DENND1A: variants seen among roughly 807,000 people sequenced by gnomAD.
The protein encoded by DENND1A is DENN domain-containing protein 1A.
Under a neutral mutation model 113.7 loss-of-function variants are expected in DENND1A, and 51 were observed. The observed-to-expected ratio is 0.45, with a 90% CI of 0.36 to 0.57. DENND1A has a LOEUF of 0.57. Ranked by LOEUF, DENND1A falls within the 20% of genes least tolerant of loss-of-function variation. The pLI is 0.00. For missense variants in DENND1A, 1,258 were observed against 1,395.9 expected (o/e 0.90, Z 1.57); for synonymous variants, 565 against 570.8 (o/e 0.99, Z 0.14).
intron 2 of DENND1A, among the ~76,000 whole-genome samples, chr9:123,877,437 CGAG>C (rs769268136): frequency 5.6e-4 from 85 of 151,726 alleles, no homozygotes; most frequent in Non-Finnish European, 1.1e-3. Context: ...TGCAGTGAGC[CGAG>C]ATCATGCCAT....
intron 4 of DENND1A, among the ~76,000 whole-genome samples, chr9:123,759,974 GAAGAA>G (rs1342580771): frequency 2.0e-5 from 3 of 152,140 alleles, no homozygotes; most frequent in African/African-American, 4.8e-5. Flanking sequence ...CTCAGAAAAA[GAAGAA>G]AAGAGTTTTT....
In DENND1A at chr9:123,721,320, C is replaced by T. The variant is rs73667909; in HGVS notation, c.302+36383G>A. Among the ~76,000 whole-genome samples, 3 of 152,330 alleles carry T rather than the reference C, an allele frequency of 2.0e-5. No homozygotes were observed. In the South Asian group the frequency reaches 6.2e-4, roughly 32 times the overall value. On this transcript the variant is annotated intron_variant, in intron 5 of 23. Transcript: ENST00000394215. ...TCCTGCCATTCTCCTCTGCTCCAGG[C>T]ATACTGAATGCTCCACCACTCTGCA... is the stretch of plus-strand genomic sequence containing the variant.
rs751269372 is a variant in DENND1A at position 123,382,089 on chromosome 9, T to C, written c.2556A>G (p.Thr852=). The C allele has an allele frequency of 2.0e-6, 3 of 1,535,320 alleles. No individual in the cohort carries two copies. Among genetic ancestry groups the C allele is most frequent in the Admixed American group, 4.1e-5 (2 of 48,648 alleles). The stretch of plus-strand genomic sequence containing the variant: ...ACGGGAGGGTGCTGCCTGACCAGGC[T>C]GTGCTGAGCGGGTCCAGGAGGGCGA... ...ALLALLDPLS[T]AWSGSTLPSR... Residue 852 remains threonine, a synonymous_variant, in exon 24 of 24, where the codon ACA becomes ACG. Coordinates refer to ENST00000394215, the MANE Select transcript of DENND1A (RefSeq NM_001352964.2).
intron 2 of DENND1A, among the ~76,000 whole-genome samples, chr9:123,835,114 A>G (rs1373070651): frequency 5.3e-5 from 8 of 151,336 alleles, no homozygotes; most frequent in African/African-American, 1.9e-4. Context: ...TAGAGGGGAA[A>G]AAAAAAAAAA....
intron 13 of DENND1A, among the ~76,000 whole-genome samples, chr9:123,500,894 C>T (rs943465864): frequency 6.6e-6 from 1 of 152,170 alleles, no homozygotes; most frequent in Non-Finnish European, 1.5e-5. Context: ...AAAATAATGT[C>T]TACTAACTTT....
At chr9:123,479,778 A>G (rs76705848) in intron 13 of DENND1A, among the ~76,000 whole-genome samples, 1,623 of 152,374 alleles carry the variant, frequency 0.011, 29 homozygotes, top group African/African-American at 0.037. Context: ...TACAAGGATC[A>G]AACGAATCTT....
intron 8 of DENND1A, among the ~76,000 whole-genome samples, chr9:123,652,734 C>T (rs868706840): frequency 1.3e-5 from 2 of 152,070 alleles, no homozygotes; most frequent in Non-Finnish European, 2.9e-5. Flanking sequence ...AAGGCAATTT[C>T]GAACATTTAC....
intron 22 of DENND1A, 112 bp downstream of exon 22, chr9:123,387,618 A>G: frequency 6.7e-6 from 8 of 1,196,368 alleles, no homozygotes; most frequent in Non-Finnish European, 7.6e-6. Flanking sequence ...CAGCAGCTCC[A>G]GACACCCTCC....
intron 13 of DENND1A, among the ~76,000 whole-genome samples, chr9:123,534,370 G>T (rs1342314718): frequency 1.3e-5 from 2 of 152,110 alleles, no homozygotes; most frequent in East Asian, 3.8e-4. Flanking sequence ...CATTCATGTT[G>T]TTGTTTATAG....
intron 4 of DENND1A, among the ~76,000 whole-genome samples, chr9:123,762,199 C>T (rs191406412): frequency 2.8e-4 from 43 of 152,244 alleles, no homozygotes; most frequent in Admixed American, 2.6e-3. Flanking sequence ...AGATAGTTGT[C>T]TTAACAAAAA....
At chr9:123,723,240 C>T (rs1464774706) in intron 5 of DENND1A, among the ~76,000 whole-genome samples, 1 of 152,242 alleles carries the variant, frequency 6.6e-6, no homozygotes, top group Non-Finnish European at 1.5e-5. Flanking sequence ...GCTGTATTTA[C>T]CCAATTTCTG....
intron 2 of DENND1A, among the ~76,000 whole-genome samples, chr9:123,829,225 C>T (rs1244937949): frequency 6.6e-6 from 1 of 151,832 alleles, no homozygotes; most frequent in Non-Finnish European, 1.5e-5. Context: ...GACTAATGTC[C>T]CTAGAGACAA....
At chr9:123,916,442 G>A (rs1855156536) in intron 1 of DENND1A, among the ~76,000 whole-genome samples, 1 of 145,024 alleles carries the variant, frequency 6.9e-6, no homozygotes, top group African/African-American at 2.6e-5. Flanking sequence ...GCACAATCTC[G>A]GCTCACCGCA....
At position 123,466,881 on chromosome 9, in the gene DENND1A, T is replaced by TA. The variant is rs55719445; in HGVS notation, c.994-8985dup. On this transcript the variant is annotated intron_variant, in intron 13 of 23. Transcript: ENST00000394215. ...GAGACCCCGTCTAGACCCCATCTCTTAAAAAAAAAAAAAAAACTAGCCGGG... is the reference window on the plus strand; with the variant it reads ...GAGACCCCGTCTAGACCCCATCTCTTAAAAAAAAAAAAAAAAACTAGCCGGG... Among the ~76,000 whole-genome samples the TA allele has an allele frequency of 6.1e-5, 9 of 147,302 alleles. No homozygotes were observed. In the East Asian group the frequency reaches 1.0e-3, roughly 16 times the overall value.
chr9:123,656,827 T>C (rs2062972988), intron 8 of DENND1A, among the ~76,000 whole-genome samples: 2 of 152,228 alleles, frequency 1.3e-5, no homozygotes, highest in Non-Finnish European at 2.9e-5. Context: ...AAAACCTTGC[T>C]TCAAGGACTA....
intron 1 of DENND1A, among the ~76,000 whole-genome samples, chr9:123,884,994 C>G (rs563199213): frequency 7.9e-6 from 1 of 126,482 alleles, no homozygotes; most frequent in Non-Finnish European, 1.6e-5. Context: ...TGCGAGCGCG[C>G]GCGCACACAC....
intron 13 of DENND1A, among the ~76,000 whole-genome samples, chr9:123,554,598 A>G (rs1483104159): frequency 6.6e-6 from 1 of 152,252 alleles, no homozygotes. Flanking sequence ...GGAAAATTCC[A>G]GGCCTTCTGG....
At chr9:123,619,411 TTGAC>T (rs140052849) in intron 10 of DENND1A, among the ~76,000 whole-genome samples, 6,904 of 152,076 alleles carry the variant, frequency 0.045, 178 homozygotes, top group South Asian at 0.058. Flanking sequence ...CATACATTGA[TTGAC>T]TGATTGATTG....
intron 5 of DENND1A, among the ~76,000 whole-genome samples, chr9:123,736,676 A>T (rs893016386): frequency 6.6e-6 from 1 of 152,246 alleles, no homozygotes; most frequent in African/African-American, 2.4e-5. Context: ...GGAATAAGAA[A>T]ACAATTGTCA....
Sources: allele counts gnomAD v4.1 joint callset (sites outside exome capture counted in the v4.1 genomes callset), GRCh38; gene constraint gnomAD v4.1.1; transcripts MANE v1.5; gene names NCBI Gene and HGNC (gene_info 2026-07-23, HGNC 2026-07-21).